The following RABGAP1L variants were observed in gnomAD, a reference collection of about 807,000 sequenced individuals.
RABGAP1L encodes the protein rab GTPase-activating protein 1-like.
A neutral mutation model predicts 137.7 loss-of-function variants in RABGAP1L; 63 were observed. The observed-to-expected ratio is 0.46, with a 90% CI of 0.37 to 0.56. The LOEUF is 0.56. Among genes scored for constraint, RABGAP1L ranks in the 20% least tolerant of loss-of-function variants. The pLI is 0.00. For synonymous variants in RABGAP1L, 431 were observed against 433.7 expected, an observed-to-expected ratio of 0.99 and a Z score of 0.08; for missense variants, 1,095 against 1,244.0, an observed-to-expected ratio of 0.88 and a Z score of 1.80.
Position 174,976,176 on chromosome 1 carries a change from T to C in RABGAP1L, c.2643T>C (p.Thr881=). Residue 881 remains threonine (T), a synonymous_variant, in exon 22 of 26, where the codon ACT becomes ACC. Coordinates refer to ENST00000681986, the MANE Select transcript of RABGAP1L (RefSeq NM_001366446.1). ...EEEKRKQEEE[T]AQLKEVFRKQ... ...AGAAGAGGAAGCAAGAGGAAGAGACTGCCCAGGTAAAAGGAATAATATGTA... is the reference window on the plus strand; with the variant it reads ...AGAAGAGGAAGCAAGAGGAAGAGACCGCCCAGGTAAAAGGAATAATATGTA... The C allele has an allele frequency of 6.5e-7, 1 of 1,548,340 alleles. No individual in the cohort carries two copies. Among genetic ancestry groups the C allele is most frequent in the Non-Finnish European group, 8.7e-7 (1 of 1,144,824 alleles).
intron 1 of RABGAP1L, among the ~76,000 whole-genome samples, chr1:174,205,442 T>G (rs939024786): frequency 1.3e-5 from 2 of 152,134 alleles, no homozygotes; most frequent in Non-Finnish European, 2.9e-5. Flanking sequence ...GGTAGACGTT[T>G]TATTACTGAT....
At chr1:174,643,689 A>G (rs1231875616) in intron 14 of RABGAP1L, among the ~76,000 whole-genome samples, 1 of 152,084 alleles carries the variant, frequency 6.6e-6, no homozygotes, top group Admixed American at 6.6e-5. Context: ...TAGAATAAAG[A>G]AGGTACCAAA....
intron 13 of RABGAP1L, among the ~76,000 whole-genome samples, chr1:174,496,828 G>C (rs1660778457): frequency 6.6e-6 from 1 of 152,154 alleles, no homozygotes; most frequent in Admixed American, 6.5e-5. Context: ...GCCTGAAAGA[G>C]ACTGCTTTAA....
Position 174,339,211 on chromosome 1 carries a change from T to G in RABGAP1L, c.1466-31768T>G, listed in dbSNP as rs577763155. On this transcript the variant is annotated intron_variant, in intron 11 of 25. Coordinates refer to ENST00000681986, the MANE Select transcript of RABGAP1L (RefSeq NM_001366446.1). ...AGAAAATATCTTTAAAAAATTAAAG[T>G]TTTTTTTTGCATTTTGAAACATGCA... 5.3e-5 allele frequency among the ~76,000 whole-genome samples: 8 copies of G among 151,484 alleles called. 1 individual carries two copies. The South Asian group carries it at 1.5e-3, about 28-fold the overall frequency.
intron 19 of RABGAP1L, among the ~76,000 whole-genome samples, chr1:174,812,878 C>G (rs897679386): frequency 1.3e-5 from 2 of 152,068 alleles, no homozygotes; most frequent in African/African-American, 4.8e-5. Context: ...TGGGGAAAAG[C>G]TTTCTAGGCA....
At chr1:174,539,862 C>T (rs920526692) in intron 13 of RABGAP1L, among the ~76,000 whole-genome samples, 44 of 152,186 alleles carry the variant, frequency 2.9e-4, no homozygotes, top group Admixed American at 2.6e-3. Flanking sequence ...ATTGAGGAAT[C>T]GCCACACTGT....
At chr1:174,767,785 G>A (rs1312361058) in intron 18 of RABGAP1L, among the ~76,000 whole-genome samples, 2 of 152,038 alleles carry the variant, frequency 1.3e-5, no homozygotes, top group African/African-American at 2.4e-5. Context: ...AGACATACCC[G>A]AGACTGGGCA....
At chr1:174,447,685 A>G (rs1654920446) in intron 13 of RABGAP1L, among the ~76,000 whole-genome samples, 1 of 152,220 alleles carries the variant, frequency 6.6e-6, no homozygotes, top group South Asian at 2.1e-4. Context: ...TTAGGAGAAC[A>G]GCCCACAGAA....
intron 13 of RABGAP1L, among the ~76,000 whole-genome samples, chr1:174,413,535 A>G (rs1650187690): frequency 3.9e-5 from 6 of 152,186 alleles, no homozygotes; most frequent in Admixed American, 3.9e-4. Flanking sequence ...TCATGGTGCC[A>G]GAATTCTTGT....
intron 11 of RABGAP1L, among the ~76,000 whole-genome samples, chr1:174,346,911 A>G (rs554037310): frequency 6.6e-6 from 1 of 151,878 alleles, no homozygotes; most frequent in East Asian, 1.9e-4. Flanking sequence ...AGGTTTTAGT[A>G]TGTTCTGTTT....
intron 17 of RABGAP1L, among the ~76,000 whole-genome samples, chr1:174,715,079 A>G (rs1228342737): frequency 1.3e-5 from 2 of 152,188 alleles, no homozygotes; most frequent in East Asian, 3.8e-4. Context: ...CTGGATCCAA[A>G]TCATTTTCAT....
chr1:174,525,343 G>A (rs931946006), intron 13 of RABGAP1L, among the ~76,000 whole-genome samples: 1 of 151,764 alleles, frequency 6.6e-6, no homozygotes, highest in Non-Finnish European at 1.5e-5. Context: ...GCTTTTTTTG[G>A]TAGAGATTTT....
At chr1:174,201,879 C>T (rs564484865) in intron 1 of RABGAP1L, among the ~76,000 whole-genome samples, 1 of 148,456 alleles carries the variant, frequency 6.7e-6, no homozygotes, top group Non-Finnish European at 1.5e-5. Flanking sequence ...TCAATTCCCA[C>T]CTACGAGTGA....
intron 13 of RABGAP1L, among the ~76,000 whole-genome samples, chr1:174,634,831 A>G (rs1469973411): frequency 6.9e-6 from 1 of 144,278 alleles, no homozygotes; most frequent in Non-Finnish European, 1.5e-5. Context: ...GGAATTGAAC[A>G]ATGAGATCAC....
At chr1:174,729,272 A>G (rs1346521565) in intron 17 of RABGAP1L, among the ~76,000 whole-genome samples, 1 of 152,208 alleles carries the variant, frequency 6.6e-6, no homozygotes, top group Non-Finnish European at 1.5e-5. Context: ...TTGGCGAGCC[A>G]TATGCAAAAG....
chr1:174,596,776 G>T (rs374251616), intron 13 of RABGAP1L, among the ~76,000 whole-genome samples: 1 of 152,106 alleles, frequency 6.6e-6, no homozygotes, highest in East Asian at 1.9e-4. Context: ...GTGAAAGTGG[G>T]CATCTTTGTC....
At chr1:174,854,855 A>G (rs1363790822) in intron 19 of RABGAP1L, among the ~76,000 whole-genome samples, 1 of 148,494 alleles carries the variant, frequency 6.7e-6, no homozygotes, top group African/African-American at 2.5e-5. Flanking sequence ...CTCTTGCCTC[A>G]GCCTCCTGAG....
At chr1:174,472,155 C>A (rs917462178) in intron 13 of RABGAP1L, among the ~76,000 whole-genome samples, 2 of 152,184 alleles carry the variant, frequency 1.3e-5, no homozygotes, top group Non-Finnish European at 2.9e-5. Flanking sequence ...GTTTAAGACA[C>A]CCAGCTGTAT....
chr1:174,312,103 T>C (rs1434840371), intron 11 of RABGAP1L, among the ~76,000 whole-genome samples: 4 of 152,222 alleles, frequency 2.6e-5, no homozygotes, highest in East Asian at 1.9e-4. Context: ...TTGTTGGAAA[T>C]ATACCCAGCA....
Sources: gnomAD v4.1 joint callset for allele counts (sites outside exome capture counted in the v4.1 genomes callset) on GRCh38, gnomAD v4.1.1 for gene constraint, MANE v1.5 for transcripts, NCBI Gene and HGNC (gene_info 2026-07-23, HGNC 2026-07-21) for gene names.